Variants in PDK3 observed in about 807,000 individuals in gnomAD.
The protein encoded by PDK3 is pyruvate dehydrogenase kinase, isozyme 3.
Under a neutral mutation model 32.0 loss-of-function variants are expected in PDK3, and 12 were observed. That is an observed-to-expected ratio of 0.37 (90% CI 0.24 to 0.61). The LOEUF (loss-of-function observed/expected upper bound fraction) is 0.61. PDK3 is among the 20% of genes least tolerant of loss of function. The probability of loss-of-function intolerance (pLI) is 0.65; values close to 1 mark genes in which losing one functional copy is unlikely to be tolerated. For synonymous variants in PDK3, 122 were observed against 116.3 expected (o/e 1.05, Z -0.31); for missense variants, 188 against 316.9 (o/e 0.59, Z 3.09).
chrX:24,539,821 G>A (rs1922852260), exon 12 of PDK3: 1 of 112,245 alleles, frequency 8.9e-6, no homozygotes, highest in Admixed American at 9.5e-5. Context: ...TAAAGCATTC[G>A]AAATGTTATC....
chrX:24,530,573 C>A (rs1922626161), intron 9 of PDK3, among the ~76,000 whole-genome samples: 1 of 111,209 alleles, frequency 9.0e-6, no homozygotes, highest in African/African-American at 3.3e-5. Flanking sequence ...GAGTCTAAGG[C>A]CCATGTGACT....
At chrX:24,544,284 C>G (rs767529533) in exon 12 of PDK3, among the ~76,000 whole-genome samples, 2 of 111,126 alleles carry the variant, frequency 1.8e-5, no homozygotes, top group African/African-American at 3.3e-5. Flanking sequence ...TTGCATTTCC[C>G]CATTCCCACT....
At chrX:24,486,924 T>A (rs1921416376) in intron 1 of PDK3, among the ~76,000 whole-genome samples, 3 of 111,890 alleles carry the variant, frequency 2.7e-5, no homozygotes, top group Admixed American at 9.5e-5. Flanking sequence ...ATTGGCTCAC[T>A]GTTATTAATA....
chrX:24,482,411 T>C (rs978454646), intron 1 of PDK3, among the ~76,000 whole-genome samples: 1 of 111,669 alleles, frequency 9.0e-6, no homozygotes, highest in African/African-American at 3.3e-5. Context: ...GGTTTCACCA[T>C]GTTGTCCAAG....
At chrX:24,543,008 G>A (rs1922922109) in exon 12 of PDK3, among the ~76,000 whole-genome samples, 1 of 111,989 alleles carries the variant, frequency 8.9e-6, no homozygotes, top group Admixed American at 9.5e-5. Flanking sequence ...GTGCTGACAG[G>A]TCTGAGTCCT....
At chrX:24,521,278 C>CAAA (rs71930419) in intron 6 of PDK3, among the ~76,000 whole-genome samples, 5 of 42,032 alleles carry the variant, frequency 1.2e-4, no homozygotes, top group Admixed American at 3.2e-4. Flanking sequence ...GACTCTGTCT[C>CAAA]AAAAAAAAAA....
At position 24,527,711 on chromosome X, in the gene PDK3, A is replaced by G. The variant is rs1439604025; in HGVS notation, c.852+36A>G. 6 of 779,987 alleles carry G rather than the reference A, an allele frequency of 7.7e-6. No individual in the cohort carries two copies. In the Admixed American group the frequency reaches 1.9e-4, roughly 24 times the overall value. 64.3% of individuals were successfully genotyped at this position (779,987 alleles called of 1,213,427 possible). ...TATGTGCATGTATACTTTAATTATC[A>G]GTTGTGATTTAATAGTATCTAGACA... On this transcript the variant is annotated intron_variant, in intron 8 of 10. Transcript: ENST00000379162.
rs1395587549 is a variant in PDK3, at chrX:24,530,150, T to C, written c.964-1507T>C. On this transcript the variant is annotated intron_variant, in intron 9 of 10. Transcript: ENST00000379162. Reference sequence around the variant, plus strand: ...GCTCACATCTCTTCCTAGAGTGAGCTAGTTTCTTTGCTGTGGTTACCTGAG... The same window carrying C: ...GCTCACATCTCTTCCTAGAGTGAGCCAGTTTCTTTGCTGTGGTTACCTGAG... 5.4e-5 allele frequency among the ~76,000 whole-genome samples: 6 copies of C among 111,812 alleles called. No homozygotes were observed. In the East Asian group the frequency reaches 1.4e-3, roughly 26 times the overall value.
chrX:24,537,217 A>G (rs1922797205), downstream of PDK3, among the ~76,000 whole-genome samples: 1 of 105,086 alleles, frequency 9.5e-6, no homozygotes, highest in Non-Finnish European at 1.9e-5. Context: ...CCTGGGTTCA[A>G]GCGATTCTCA....
chrX:24,542,250 T>G (rs1254001660), exon 12 of PDK3, among the ~76,000 whole-genome samples: 1 of 112,648 alleles, frequency 8.9e-6, no homozygotes, highest in Non-Finnish European at 1.9e-5. Flanking sequence ...TATCTGATTT[T>G]GGCTCCTGAA....
downstream of PDK3, among the ~76,000 whole-genome samples, chrX:24,538,730 C>A (rs757595912): frequency 2.9e-3 from 323 of 111,580 alleles, 2 homozygotes; most frequent in African/African-American, 9.5e-3. Context: ...GCCAAGATCA[C>A]GCCACTGCAC....
chrX:24,474,383 T>TTTTATTTATTTATTTA (rs57520211), intron 1 of PDK3, among the ~76,000 whole-genome samples: 33 of 96,806 alleles, frequency 3.4e-4, no homozygotes, highest in Middle Eastern at 5.2e-3. Context: ...TATAAGTTTA[T>TTTTATTTATTTATTTA]TTTATTTATT....
At chrX:24,481,851 C>A (rs1369646527) in intron 1 of PDK3, among the ~76,000 whole-genome samples, 1 of 111,838 alleles carries the variant, frequency 8.9e-6, no homozygotes, top group Non-Finnish European at 1.9e-5. Flanking sequence ...TTCTTTCTAG[C>A]CACATGAGAA....
downstream of PDK3, among the ~76,000 whole-genome samples, chrX:24,537,408 C>T (rs1482116873): frequency 5.6e-5 from 6 of 107,105 alleles, 1 homozygote; most frequent in Admixed American, 6.1e-4. Context: ...GCTGGGATTA[C>T]AGGCATAAGC....
intron 1 of PDK3, among the ~76,000 whole-genome samples, chrX:24,472,422 C>T: frequency 9.0e-6 from 1 of 111,500 alleles, no homozygotes; most frequent in African/African-American, 3.3e-5. Context: ...CTTTATAGGT[C>T]AATTATTTCT....
intron 9 of PDK3, among the ~76,000 whole-genome samples, chrX:24,529,278 G>GT (rs1324523186): frequency 1.8e-5 from 2 of 111,555 alleles, no homozygotes; most frequent in Admixed American, 9.5e-5. Flanking sequence ...TATATCATAG[G>GT]TTTTTTTTCT....
intron 9 of PDK3, among the ~76,000 whole-genome samples, chrX:24,530,738 A>G (rs759124533): frequency 8.9e-6 from 1 of 111,975 alleles, no homozygotes; most frequent in Non-Finnish European, 1.9e-5. Context: ...TCTTGTCCAT[A>G]GAACACCTGT....
chrX:24,548,933 C>T (rs1197633609), exon 12 of PDK3: 1 of 111,474 alleles, frequency 9.0e-6, no homozygotes, highest in Non-Finnish European at 1.9e-5. Context: ...ATCGTGGCAC[C>T]GCTTTCTTAT....
chrX:24,547,262 C>T (rs1923017216), exon 12 of PDK3: 1 of 112,120 alleles, frequency 8.9e-6, no homozygotes, highest in Non-Finnish European at 1.9e-5. Context: ...TGTGGTAATA[C>T]CGGATCCAGG....
Sources: allele counts gnomAD v4.1 joint callset (sites outside exome capture counted in the v4.1 genomes callset), GRCh38; gene constraint gnomAD v4.1.1; transcripts MANE v1.5; gene names NCBI Gene and HGNC (gene_info 2026-07-23, HGNC 2026-07-21).